The following PPIL1 variants were observed in gnomAD, a reference collection of about 807,000 sequenced individuals.
The protein encoded by PPIL1 is peptidylprolyl isomerase like 1.
A neutral mutation model predicts 19.4 loss-of-function variants in PPIL1; 14 were observed. The ratio of observed to expected loss-of-function variants is 0.72; its 90% CI spans 0.48 to 1.13. PPIL1 has a LOEUF of 1.13. Ranked by LOEUF, PPIL1 falls within the 50% of genes most tolerant of loss-of-function variation. The probability of loss-of-function intolerance (pLI) is 0.00; values close to 1 mark genes in which losing one functional copy is unlikely to be tolerated. For missense variants in PPIL1, 192 were observed against 218.0 expected, an observed-to-expected ratio of 0.88 and a Z score of 0.75; for synonymous variants, 72 against 73.6, an observed-to-expected ratio of 0.98 and a Z score of 0.11.
intron 2 of PPIL1, among the ~76,000 whole-genome samples, chr6:36,864,070 C>T (rs1583112642): frequency 6.6e-6 from 1 of 151,984 alleles, no homozygotes; most frequent in East Asian, 1.9e-4. Flanking sequence ...ACTAACACAG[C>T]TGCTATCACC....
chr6:36,862,985 T>C (rs1774320766), intron 2 of PPIL1, among the ~76,000 whole-genome samples: 1 of 152,188 alleles, frequency 6.6e-6, no homozygotes, highest in African/African-American at 2.4e-5. Context: ...TCAAGACACT[T>C]TCTCTCCAAG....
At position 36,874,730 on chromosome 6, in the gene PPIL1, A is replaced by G; in HGVS notation, c.43T>C (p.Tyr15His). ...GAACCCCCTCACCTGGTCTCCAAGT[A>G]AACGTTGGGTGGCTGCCAGGAATCT... ...PPDSWQPPNV[Y>H]LETSMGIIVL... The change falls in exon 1 of 4, where the codon TAC (tyrosine) becomes CAC (histidine). Residue 15 changes from tyrosine (Y) to histidine (H), a missense_variant. By Grantham distance (83) the Tyr-to-His change is moderately conservative. Coordinates refer to ENST00000373699, the MANE Select transcript of PPIL1 (RefSeq NM_016059.5). 1 of 1,614,050 alleles carries G rather than the reference A, an allele frequency of 6.2e-7. No homozygotes were observed. The highest frequency in any genetic ancestry group is 1.3e-5 in the African/African-American group (1 of 75,056).
At chr6:36,873,452 T>C (rs1224432051) in intron 1 of PPIL1, among the ~76,000 whole-genome samples, 3 of 152,234 alleles carry the variant, frequency 2.0e-5, no homozygotes, top group Non-Finnish European at 4.4e-5. Flanking sequence ...ATGATCCCAT[T>C]TTTTTGTTAA....
At chr6:36,860,219 C>A (rs991079075) in intron 2 of PPIL1, among the ~76,000 whole-genome samples, 1 of 152,026 alleles carries the variant, frequency 6.6e-6, no homozygotes. Context: ...ATAATCCCAA[C>A]ACTTTGGGAG....
rs771145903 is a variant in PPIL1, at chr6:36,855,966, G to A, written c.348C>T (p.Leu116=). The A allele has an allele frequency of 1.1e-5, 18 of 1,614,092 alleles. No individual in the cohort carries two copies. The highest frequency in any genetic ancestry group is 9.3e-5 in the African/African-American group (7 of 74,932). ...DTNGSQFFVT[L]APTQWLDGKH... ...TGCCGTCAAGCCACTGGGTGGGGGC[G>A]AGGGTCACAAAGAACTGGCTGCCAT... Residue 116 remains leucine (L), a synonymous_variant, in exon 4 of 4, where the codon CTC becomes CTT. Coordinates refer to ENST00000373699, the MANE Select transcript of PPIL1 (RefSeq NM_016059.5).
At chr6:36,866,670 T>G (rs1381595468) in intron 2 of PPIL1, among the ~76,000 whole-genome samples, 1 of 152,158 alleles carries the variant, frequency 6.6e-6, no homozygotes, top group Non-Finnish European at 1.5e-5. Flanking sequence ...CTGAGTCACT[T>G]CCAATACTTG....
At chr6:36,863,749 G>A (rs13220210) in intron 2 of PPIL1, among the ~76,000 whole-genome samples, 1 of 151,654 alleles carries the variant, frequency 6.6e-6, no homozygotes, top group Non-Finnish European at 1.5e-5. Flanking sequence ...TGTCAAGGTC[G>A]CCAGTGACCT....
chr6:36,865,337 G>C (rs377743659), intron 2 of PPIL1, among the ~76,000 whole-genome samples: 1 of 152,136 alleles, frequency 6.6e-6, no homozygotes, highest in African/African-American at 2.4e-5. Flanking sequence ...CTCTGTCTAG[G>C]AGTCTCCATT....
At chr6:36,856,172 C>A (rs915038091) in intron 3 of PPIL1, 139 bp from the exon 4 acceptor site, 7 of 853,576 alleles carry the variant, frequency 8.2e-6, no homozygotes, top group Non-Finnish European at 1.3e-5. Flanking sequence ...CCCCTCAGGG[C>A]AGTCTCTCTG....
chr6:36,861,274 TGTG>T, intron 2 of PPIL1, among the ~76,000 whole-genome samples: 1 of 152,178 alleles, frequency 6.6e-6, no homozygotes, highest in Non-Finnish European at 1.5e-5. Context: ...TGAGACCTCT[TGTG>T]GTGTTTTAAA....
chr6:36,863,552 GTTA>G (rs1774334081), intron 2 of PPIL1, among the ~76,000 whole-genome samples: 1 of 152,084 alleles, frequency 6.6e-6, no homozygotes, highest in East Asian at 1.9e-4. Flanking sequence ...ATTTAAACAT[GTTA>G]TTGATATTTC....
At chr6:36,871,661 A>C (rs1380917025) in intron 2 of PPIL1, 57 bp downstream of exon 2, 5 of 1,542,416 alleles carry the variant, frequency 3.2e-6, no homozygotes, top group East Asian at 2.3e-5. Flanking sequence ...CTTTAGAAAA[A>C]AAGACGAAAA....
chr6:36,859,340 G>A (rs1300603563), intron 2 of PPIL1, among the ~76,000 whole-genome samples: 3 of 150,006 alleles, frequency 2.0e-5, no homozygotes, highest in East Asian at 2.0e-4. Flanking sequence ...CAGGAGAATC[G>A]CTTGAACCTG....
intron 1 of PPIL1, among the ~76,000 whole-genome samples, chr6:36,872,883 A>C (rs1774546294): frequency 6.6e-6 from 1 of 152,232 alleles, no homozygotes; most frequent in Non-Finnish European, 1.5e-5. Flanking sequence ...GTGCTGGATT[A>C]CAGATGTGAG....
chr6:36,860,685 CCT>C (rs1349788483), intron 2 of PPIL1, among the ~76,000 whole-genome samples: 1 of 151,522 alleles, frequency 6.6e-6, no homozygotes, highest in Non-Finnish European at 1.5e-5. Context: ...ATCACATTTT[CCT>C]CTCAGGTAAC....
chr6:36,872,506 T>C (rs755586866), intron 1 of PPIL1, among the ~76,000 whole-genome samples: 52 of 152,154 alleles, frequency 3.4e-4, no homozygotes, highest in Non-Finnish European at 5.7e-4. Flanking sequence ...ATGAGTGCTT[T>C]TTCCTCACCA....
intron 2 of PPIL1, among the ~76,000 whole-genome samples, chr6:36,864,234 C>T (rs2150657450): frequency 6.6e-6 from 1 of 152,056 alleles, no homozygotes; most frequent in African/African-American, 2.4e-5. Flanking sequence ...CGCAGCACTC[C>T]CCTGCTTGAA....
At chr6:36,856,727 G>A (rs1774175412) in intron 2 of PPIL1, 73 bp from the exon 3 acceptor site, 3 of 1,396,962 alleles carry the variant, frequency 2.1e-6, no homozygotes, top group African/African-American at 1.4e-5. Context: ...GATGGCCCAG[G>A]GTCAAAGGAT....
Position 36,855,507 on chromosome 6 carries a change from T to G in PPIL1, c.*306A>C. On this transcript the variant is annotated 3_prime_UTR_variant, in exon 4 of 4. Transcript: ENST00000373699. ...CTGAGAAATGACAGTGGCTGCTACATTGTTCGACGTATATCAGAGCAGACA... is the reference window on the plus strand; with the variant it reads ...CTGAGAAATGACAGTGGCTGCTACAGTGTTCGACGTATATCAGAGCAGACA... The G allele has an allele frequency of 2.9e-6, 1 of 347,804 alleles. No individual in the cohort carries two copies. The allele number at this position is 347,804 out of a possible 1,614,324, so 21.5% of individuals were successfully genotyped here. A position where few individuals can be genotyped will look rare whatever the true frequency, so the allele number is the denominator to read the frequency against.
Sources: allele counts gnomAD v4.1 joint callset (sites outside exome capture counted in the v4.1 genomes callset), GRCh38; gene constraint gnomAD v4.1.1; transcripts MANE v1.5; gene names NCBI Gene and HGNC (gene_info 2026-07-23, HGNC 2026-07-21).